Variants in TRIT1 observed in about 807,000 individuals in gnomAD.
TRIT1 encodes the protein tRNA isopentenyltransferase 1.
Under a neutral mutation model 51.2 loss-of-function variants are expected in TRIT1, and 43 were observed. The ratio of observed to expected loss-of-function variants is 0.84; its 90% CI spans 0.66 to 1.08. TRIT1 has a LOEUF of 1.08. Among genes scored for constraint, TRIT1 ranks in the 50% least tolerant of loss-of-function variants. The pLI is 0.00. For missense variants in TRIT1, 528 were observed against 578.4 expected, an observed-to-expected ratio of 0.91 and a Z score of 0.89; for synonymous variants, 184 against 203.9, an observed-to-expected ratio of 0.90 and a Z score of 0.83.
At chr1:39,853,338 T>C (rs1165314443) in intron 3 of TRIT1, among the ~76,000 whole-genome samples, 1 of 146,304 alleles carries the variant, frequency 6.8e-6, no homozygotes, top group Non-Finnish European at 1.5e-5. Context: ...ATGGCTAACG[T>C]ACTGGGTTTT....
At chr1:39,880,752 T>C (rs1039821657) in intron 1 of TRIT1, among the ~76,000 whole-genome samples, 1 of 151,336 alleles carries the variant, frequency 6.6e-6, no homozygotes. Flanking sequence ...TGAGCAGAGA[T>C]TGCGCCACTG....
At chr1:39,872,780 C>CACACACACACACACACACACACAG (rs796230029) in intron 1 of TRIT1, among the ~76,000 whole-genome samples, 11 of 106,164 alleles carry the variant, frequency 1.0e-4, no homozygotes, top group African/African-American at 3.5e-4. Context: ...CACACACACA[C>CACACACACACACACACACACACAG]AGAGAGAGAG....
Position 39,850,199 on chromosome 1 carries a change from G to A in TRIT1, c.623C>T (p.Thr208Met), listed in dbSNP as rs34889376. Residue 208 changes from threonine to methionine, a missense_variant, in exon 5 of 11, where the codon ACG (threonine) becomes ATG (methionine). This residue lies in a region of TRIT1 where 468 missense variants were observed against 522.6 expected (regional missense o/e 0.90). Transcript: ENST00000316891. ...SHSEFLHRQH[T>M]EEGGGPLGGP... ...TCCAAGGGGACCACCACCTTCTTCC[G>A]TATGTTGACGATGGAGAAATTCACT... 7.2e-3 allele frequency: 11,601 copies of A among 1,614,038 alleles called. 59 individuals are homozygous for A. Among genetic ancestry groups the A allele is most frequent in the Non-Finnish European group, 7.7e-3 (9,077 of 1,179,978 alleles).
At chr1:39,847,811 A>C in intron 6 of TRIT1, 151 bp from the exon 7 acceptor site, 1 of 1,461,864 alleles carries the variant, frequency 6.8e-7, no homozygotes, top group South Asian at 1.3e-5. Flanking sequence ...CCCCTCCCCT[A>C]CCCACCAGGT....
intron 6 of TRIT1, 159 bp from the exon 7 acceptor site, chr1:39,847,819 G>C (rs1642320518): frequency 6.9e-7 from 1 of 1,444,872 alleles, no homozygotes. Flanking sequence ...CTACCCACCA[G>C]GTTACTTTCT....
chr1:39,856,486 A>AG (rs1441273521), intron 2 of TRIT1, among the ~76,000 whole-genome samples: 2 of 78,098 alleles, frequency 2.6e-5, no homozygotes, highest in African/African-American at 9.4e-5. Context: ...TGTCTCTAGG[A>AG]GAAAAAAAAA....
Position 39,841,933 on chromosome 1 carries a change from CCAAA to C in TRIT1, c.1235-24_1235-21del, listed in dbSNP as rs575978159. The C allele has an allele frequency of 2.4e-4, 384 of 1,581,134 alleles. 15 individuals are homozygous for C. In the South Asian group the frequency reaches 4.3e-3, roughly 18 times the overall value. ...TGTGCGCTGATAAGACAAAATCAAA[CCAAA>C]CAAACAAAAAAACTCATTAGGAATT... On this transcript the variant is annotated intron_variant, in intron 10 of 10. Coordinates refer to ENST00000316891, the MANE Select transcript of TRIT1 (RefSeq NM_017646.6).
chr1:39,881,736 A>G (rs1644272681), intron 1 of TRIT1: 2 of 152,026 alleles, frequency 1.3e-5, no homozygotes, highest in Admixed American at 1.3e-4. Context: ...AACTTGACCT[A>G]TTTTTCAAGC....
intron 3 of TRIT1, 114 bp from the exon 4 acceptor site, chr1:39,852,990 T>C (rs1642675575): frequency 2.1e-5 from 25 of 1,198,580 alleles, no homozygotes; most frequent in Non-Finnish European, 2.8e-5. Context: ...TCTTGCCATA[T>C]AGTGAGAGAT....
chr1:39,854,708 C>T (rs1193827761), intron 2 of TRIT1, among the ~76,000 whole-genome samples: 1 of 152,226 alleles, frequency 6.6e-6, no homozygotes, highest in African/African-American at 2.4e-5. Context: ...TCCCCTATCA[C>T]AATGCCTAAA....
intron 1 of TRIT1, among the ~76,000 whole-genome samples, chr1:39,863,201 C>T (rs1643346899): frequency 6.6e-6 from 1 of 152,224 alleles, no homozygotes; most frequent in Non-Finnish European, 1.5e-5. Context: ...CATGGTGGCT[C>T]ACACCTATAA....
In TRIT1 at chr1:39,853,969, C is replaced by A; in HGVS notation, c.414+1G>T. ...GTGAGTTACGAGTGAACTAAACTTA[C>A]CTTGGTATTGACAAGAACTTTCCAG... On this transcript the variant is annotated splice_donor_variant, in intron 3 of 10. Coordinates refer to ENST00000316891, the MANE Select transcript of TRIT1 (RefSeq NM_017646.6). LOFTEE classifies it high-confidence loss of function. The A allele has an allele frequency of 1.9e-6, 3 of 1,605,604 alleles. No homozygotes were observed. Among genetic ancestry groups the A allele is most frequent in the Non-Finnish European group, 1.7e-6 (2 of 1,173,644 alleles).
At chr1:39,881,470 T>C (rs751746085) in intron 1 of TRIT1, 5 of 152,140 alleles carry the variant, frequency 3.3e-5, no homozygotes, top group Non-Finnish European at 7.3e-5. Flanking sequence ...ACATTCCATA[T>C]CTGCAATTGA....
chr1:39,867,805 T>C (rs1179759427), intron 1 of TRIT1, among the ~76,000 whole-genome samples: 1 of 152,206 alleles, frequency 6.6e-6, no homozygotes. Context: ...CCAAGCTATT[T>C]CTGCTGCCAC....
At chr1:39,854,779 T>A (rs1642797559) in intron 2 of TRIT1, among the ~76,000 whole-genome samples, 1 of 152,182 alleles carries the variant, frequency 6.6e-6, no homozygotes, top group South Asian at 2.1e-4. Context: ...CTACTTTAAA[T>A]TTTTCTCTTT....
At chr1:39,868,287 A>G (rs1019561012) in intron 1 of TRIT1, among the ~76,000 whole-genome samples, 4 of 152,254 alleles carry the variant, frequency 2.6e-5, no homozygotes, top group African/African-American at 9.6e-5. Context: ...AATAAGCCAC[A>G]GATTGGGAGA....
intron 1 of TRIT1, among the ~76,000 whole-genome samples, chr1:39,873,459 C>G (rs1379387508): frequency 6.6e-6 from 1 of 152,126 alleles, no homozygotes; most frequent in Admixed American, 6.6e-5. Flanking sequence ...CAAGGAAAGA[C>G]TGAAAACTGT....
chr1:39,870,388 C>G (rs1382798698), intron 1 of TRIT1, among the ~76,000 whole-genome samples: 22 of 152,086 alleles, frequency 1.4e-4, no homozygotes, highest in Non-Finnish European at 8.8e-5. Flanking sequence ...GCCGCAGGGT[C>G]CTCTGCCTAG....
chr1:39,871,715 G>GT (rs1291974702), intron 1 of TRIT1, among the ~76,000 whole-genome samples: 1 of 152,142 alleles, frequency 6.6e-6, no homozygotes, highest in Non-Finnish European at 1.5e-5. Context: ...TGGAAAACAG[G>GT]TAAGTTGTTG....
Sources: allele counts gnomAD v4.1 joint callset (sites outside exome capture counted in the v4.1 genomes callset), GRCh38; gene constraint gnomAD v4.1.1; regional missense constraint gnomAD v4.1.1; transcripts MANE v1.5; gene names NCBI Gene and HGNC (gene_info 2026-07-23, HGNC 2026-07-21).